The following ARHGAP42 variants were observed in gnomAD, a reference collection of about 807,000 sequenced individuals.
ARHGAP42 encodes rho GTPase-activating protein 42.
ARHGAP42 carries 63 observed loss-of-function variants against 125.0 expected under a neutral mutation model. That is an observed-to-expected ratio of 0.50 (90% CI 0.41 to 0.62). ARHGAP42 has a LOEUF of 0.62. Among genes scored for constraint, ARHGAP42 ranks in the 20% least tolerant of loss-of-function variants. The pLI is 0.00. For missense variants in ARHGAP42, 766 were observed against 1,024.2 expected (o/e 0.75, Z 3.44); for synonymous variants, 339 against 351.0 (o/e 0.97, Z 0.38).
chr11:100,851,437 C>T (rs1865202637), intron 3 of ARHGAP42, among the ~76,000 whole-genome samples: 1 of 152,134 alleles, frequency 6.6e-6, no homozygotes, highest in Non-Finnish European at 1.5e-5. Flanking sequence ...ATCATAGCTG[C>T]CTTAACATCA....
intron 3 of ARHGAP42, among the ~76,000 whole-genome samples, chr11:100,840,329 G>T (rs909230931): frequency 2.0e-5 from 3 of 152,116 alleles, no homozygotes; most frequent in African/African-American, 7.2e-5. Context: ...TTCCAAAGAG[G>T]AGATTAAGTT....
chr11:100,930,840 G>T (rs558122877), intron 6 of ARHGAP42, among the ~76,000 whole-genome samples: 1 of 152,290 alleles, frequency 6.6e-6, no homozygotes, highest in East Asian at 1.9e-4. Flanking sequence ...TCACATGAGG[G>T]AGTGTCTCAC....
intron 4 of ARHGAP42, among the ~76,000 whole-genome samples, chr11:100,862,898 G>A (rs916882494): frequency 5.3e-5 from 8 of 151,782 alleles, no homozygotes; most frequent in East Asian, 3.9e-4. Context: ...TTAGCCAGGC[G>A]GGGTGGTGCA....
chr11:100,912,217 A>G (rs1370574009), intron 4 of ARHGAP42, among the ~76,000 whole-genome samples: 2 of 152,306 alleles, frequency 1.3e-5, no homozygotes, highest in East Asian at 1.9e-4. Context: ...CTTCTCTTCA[A>G]TTAGGTTCAA....
chr11:100,695,391 C>T (rs1861258559), intron 1 of ARHGAP42, among the ~76,000 whole-genome samples: 1 of 152,152 alleles, frequency 6.6e-6, no homozygotes, highest in Non-Finnish European at 1.5e-5. Context: ...GCAACCTCCA[C>T]CTCCCGGATT....
chr11:100,952,358 C>T (rs1007887621), intron 12 of ARHGAP42, among the ~76,000 whole-genome samples: 1 of 152,116 alleles, frequency 6.6e-6, no homozygotes, highest in Non-Finnish European at 1.5e-5. Flanking sequence ...CAAATATAAT[C>T]TTTTCAACAC....
At chr11:100,704,299 G>A (rs913049340) in intron 1 of ARHGAP42, among the ~76,000 whole-genome samples, 3 of 152,164 alleles carry the variant, frequency 2.0e-5, no homozygotes, top group Admixed American at 6.5e-5. Context: ...GCTCAGGCCC[G>A]GGGTTGAGGG....
rs1307914559 is a variant in ARHGAP42, at chr11:100,976,426, C to T, written c.2225C>T (p.Ser742Phe). 2 of 1,529,140 alleles carry T rather than the reference C, an allele frequency of 1.3e-6. No homozygotes were observed. Among genetic ancestry groups the T allele is most frequent in the Admixed American group, 2.2e-5 (1 of 45,364 alleles). The allele number at this position is 1,529,140 out of a possible 1,614,324, so 94.7% of individuals were successfully genotyped here. A position where few individuals can be genotyped will look rare whatever the true frequency, so the allele number is the denominator to read the frequency against. ...RASASSLRSI[S>F]AAEGNKSYSG... Reference sequence around the variant, plus strand: ...TCTGCTTCTTCTCTCAGATCCATCTCTGCAGCTGAAGGTAAGGCAGAGTGG... The same window carrying T: ...TCTGCTTCTTCTCTCAGATCCATCTTTGCAGCTGAAGGTAAGGCAGAGTGG... Residue 742 changes from serine (S) to phenylalanine (F), a missense_variant, in exon 20 of 24, where the codon TCT (serine) becomes TTT (phenylalanine). By Grantham distance (155) the Ser-to-Phe change is radical. This residue lies in a region of ARHGAP42 where 308 missense variants were observed against 369.7 expected (regional missense o/e 0.83). Transcript: ENST00000298815.
chr11:100,801,140 A>T (rs1382797282), intron 3 of ARHGAP42, among the ~76,000 whole-genome samples: 7 of 152,062 alleles, frequency 4.6e-5, no homozygotes, highest in African/African-American at 1.4e-4. Context: ...GACATTCCGG[A>T]TTTTAGATTT....
intron 2 of ARHGAP42, among the ~76,000 whole-genome samples, chr11:100,790,162 T>G (rs917205843): frequency 2.6e-5 from 4 of 152,164 alleles, no homozygotes; most frequent in African/African-American, 9.7e-5. Flanking sequence ...AATTTAAGCG[T>G]GCTAAAAAGA....
chr11:100,971,742 G>A (rs929549172), intron 17 of ARHGAP42, among the ~76,000 whole-genome samples: 3 of 152,020 alleles, frequency 2.0e-5, no homozygotes, highest in Admixed American at 2.0e-4. Flanking sequence ...TTTAATTTCA[G>A]GGATAATATT....
intron 3 of ARHGAP42, among the ~76,000 whole-genome samples, chr11:100,826,625 T>A (rs1411347414): frequency 6.6e-6 from 1 of 152,182 alleles, no homozygotes; most frequent in Non-Finnish European, 1.5e-5. Context: ...CAGTAATAGT[T>A]GAAGTTTTAC....
intron 4 of ARHGAP42, among the ~76,000 whole-genome samples, chr11:100,862,865 C>A (rs1420303667): frequency 1.3e-5 from 2 of 151,546 alleles, no homozygotes; most frequent in Non-Finnish European, 2.9e-5. Context: ...GAAACCGCAT[C>A]CTCTACTAAA....
At position 100,946,751 on chromosome 11, in the gene ARHGAP42, C is replaced by T. The variant is rs557377507; in HGVS notation, c.1044-1706C>T. Among the ~76,000 whole-genome samples the T allele has an allele frequency of 4.6e-5, 7 of 152,098 alleles. No homozygotes were observed. The South Asian group carries it at 1.5e-3, about 32-fold the overall frequency. ...ATCAAAGATCACTGTTCATACATCA[C>T]ATGATAGATATAATAACAATGAAAA... On this transcript the variant is annotated intron_variant, in intron 10 of 23. Transcript: ENST00000298815.
At chr11:100,819,030 T>C (rs953448726) in intron 3 of ARHGAP42, among the ~76,000 whole-genome samples, 4 of 152,098 alleles carry the variant, frequency 2.6e-5, no homozygotes, top group African/African-American at 4.8e-5. Flanking sequence ...GAGCTGGACA[T>C]AATTCAGCAA....
At chr11:100,974,674 A>G in intron 19 of ARHGAP42, 71 bp downstream of exon 19, 2 of 1,404,586 alleles carry the variant, frequency 1.4e-6, no homozygotes, top group South Asian at 1.6e-5. Context: ...TGTATTGGTA[A>G]TTAGGTAGAA....
At chr11:100,740,288 A>T (rs1049935616) in intron 1 of ARHGAP42, among the ~76,000 whole-genome samples, 2 of 104,784 alleles carry the variant, frequency 1.9e-5, no homozygotes, top group African/African-American at 9.3e-5. Flanking sequence ...TGATACCCTC[A>T]GTTTTTTTTC....
At chr11:100,903,709 A>AAAATATATAT (rs1332890022) in intron 4 of ARHGAP42, among the ~76,000 whole-genome samples, 54 of 63,488 alleles carry the variant, frequency 8.5e-4, no homozygotes, top group African/African-American at 3.3e-3. Context: ...TGTCCCTCAA[A>AAAATATATAT]ATATATATAT....
chr11:100,859,840 G>A, intron 4 of ARHGAP42: 1 of 358,932 alleles, frequency 2.8e-6, no homozygotes, highest in South Asian at 1.1e-4. Flanking sequence ...TGTTATAAAT[G>A]AGTTCTTCCT....
Sources: gnomAD v4.1 joint callset for allele counts (sites outside exome capture counted in the v4.1 genomes callset) on GRCh38, gnomAD v4.1.1 for gene constraint, gnomAD v4.1.1 regional missense constraint, MANE v1.5 for transcripts, NCBI Gene and HGNC (gene_info 2026-07-23, HGNC 2026-07-21) for gene names.